The following GCN1 variants were observed in gnomAD, a reference collection of about 807,000 sequenced individuals.
GCN1 encodes the protein stalled ribosome sensor GCN1.
In GCN1, 90 loss-of-function variants were observed where a neutral mutation model predicts 288.4. The observed-to-expected ratio is 0.31, with a 90% CI of 0.26 to 0.37. The LOEUF is 0.37. GCN1 is among the 10% of genes least tolerant of loss of function. The probability of loss-of-function intolerance (pLI) is 1.00; values close to 1 mark genes in which losing one functional copy is unlikely to be tolerated. For synonymous variants in GCN1, 1,386 were observed against 1,420.2 expected, an observed-to-expected ratio of 0.98 and a Z score of 0.54; for missense variants, 2,586 against 3,419.9, an observed-to-expected ratio of 0.76 and a Z score of 6.08.
chr12:120,136,677 T>C lies in GCN1; in HGVS notation c.6833A>G (p.Glu2278Gly), dbSNP rs755166395. 6.2e-7 allele frequency: 1 copy of C among 1,614,038 alleles called. No individual in the cohort carries two copies. Among genetic ancestry groups the C allele is most frequent in the South Asian group, 1.1e-5 (1 of 91,080 alleles). Residue 2278 changes from glutamate to glycine, a missense_variant, in exon 51 of 58, where the codon GAG becomes GGG. Coordinates refer to ENST00000300648, the MANE Select transcript of GCN1 (RefSeq NM_006836.2). ...LREGVLTGSP[E>G]QKEEAAKALG... ...GGCTTTGGCTGCCTCCTCCTTCTGC[T>C]CAGGGCTGCCAGTCAGGACTCCTTC... is the stretch of plus-strand genomic sequence containing the variant.
In GCN1 at chr12:120,157,010, G is replaced by T; in HGVS notation, c.3088-18C>A. On this transcript the variant is annotated intron_variant, in intron 26 of 57. Coordinates refer to ENST00000300648, the MANE Select transcript of GCN1 (RefSeq NM_006836.2). The stretch of plus-strand genomic sequence containing the variant: ...GGGCCATTCTAGGAGAGAACGGCAG[G>T]TAAGTCGAGATGAGGCTGTGGGGAG... 3 of 1,591,126 alleles carry T rather than the reference G, an allele frequency of 1.9e-6. No individual in the cohort carries two copies. Among genetic ancestry groups the T allele is most frequent in the Non-Finnish European group, 1.7e-6 (2 of 1,159,406 alleles).
In GCN1 at chr12:120,155,727, G is replaced by C. The variant is rs1162505688; in HGVS notation, c.3313-8C>G. 2 of 1,613,722 alleles carry C rather than the reference G, an allele frequency of 1.2e-6. No homozygotes were observed. Among genetic ancestry groups the C allele is most frequent in the Admixed American group, 3.3e-5 (2 of 60,006 alleles). ...GTGGAGTTCCATCAGCCCCTGGAAG[G>C]GGTGGGATTGGACCGTGTGAGGCAT... On this transcript the variant is annotated splice_region_variant and splice_polypyrimidine_tract_variant and intron_variant, in intron 28 of 57. Coordinates refer to ENST00000300648, the MANE Select transcript of GCN1 (RefSeq NM_006836.2). This position sits in a 1 kb window ranked among gnomAD's most constrained non-coding sequence, Gnocchi z 4.9.
intron 3 of GCN1, 67 bp downstream of exon 3, chr12:120,184,757 A>G (rs1342014683): frequency 5.1e-6 from 6 of 1,177,112 alleles, no homozygotes; most frequent in Non-Finnish European, 6.4e-6. Context: ...TCTGGGCTCT[A>G]ACCACTACTC....
At position 120,153,511 on chromosome 12, in the gene GCN1, G is replaced by A. The variant is rs1877637228; in HGVS notation, c.3868-104C>T. On this transcript the variant is annotated intron_variant, in intron 32 of 57. Coordinates refer to ENST00000300648, the MANE Select transcript of GCN1 (RefSeq NM_006836.2). The surrounding 1 kb of genome is among the most constrained non-coding windows in gnomAD (Gnocchi z 4.4). ...CAAGACCAAGTCTAGCTCTGGGACA[G>A]GCATCCTGACATGCCAGCCAGTGGC... 3.7e-6 allele frequency: 4 copies of A among 1,087,980 alleles called. No individual in the cohort carries two copies. The highest frequency in any genetic ancestry group is 1.6e-5 in the African/African-American group (1 of 63,878). 67.4% of individuals were successfully genotyped at this position (1,087,980 alleles called of 1,614,324 possible).
At chr12:120,182,164 A>C (rs1324712921) in intron 5 of GCN1, among the ~76,000 whole-genome samples, 14 of 151,756 alleles carry the variant, frequency 9.2e-5, no homozygotes, top group Non-Finnish European at 1.8e-4. Flanking sequence ...GAAAACAAAA[A>C]AAAAAAAACA....
chr12:120,132,416 G>T (rs1876859523), intron 53 of GCN1, among the ~76,000 whole-genome samples: 1 of 152,108 alleles, frequency 6.6e-6, no homozygotes, highest in Non-Finnish European at 1.5e-5. Context: ...GGCAGGAGGG[G>T]AGGCACCTGC....
chr12:120,171,398 CGGA>C (rs1451634913), intron 14 of GCN1, among the ~76,000 whole-genome samples: 1 of 152,048 alleles, frequency 6.6e-6, no homozygotes, highest in East Asian at 1.9e-4. Flanking sequence ...ACCCAGGAGG[CGGA>C]GGTTTCAGTG....
intron 2 of GCN1, 70 bp downstream of exon 2, chr12:120,190,223 TCAAAA>T: frequency 1.6e-6 from 1 of 634,454 alleles, no homozygotes. Context: ...AGACTCTGTC[TCAAAA>T]AAAAAAAAAA....
At position 120,137,350 on chromosome 12, in the gene GCN1, G is replaced by A. The variant is rs117836601; in HGVS notation, c.6664-31C>T. The A allele has an allele frequency of 4.9e-3, 7,691 of 1,554,804 alleles. 34 individuals are homozygous for A. The highest frequency in any genetic ancestry group is 5.0e-3 in the Non-Finnish European group (5,688 of 1,126,550). ...GGAATCCAGGAAAAAGCGAGAGGAT[G>A]TACAGCCCTCTCAAGACTGCTTCCA... On this transcript the variant is annotated intron_variant, in intron 49 of 57. Coordinates refer to ENST00000300648, the MANE Select transcript of GCN1 (RefSeq NM_006836.2). The surrounding 1 kb of genome is among the most constrained non-coding windows in gnomAD (Gnocchi z 5.2).
intron 57 of GCN1, among the ~76,000 whole-genome samples, 162 bp from the exon 58 acceptor site, chr12:120,128,136 A>G (rs1304119070): frequency 1.3e-5 from 2 of 152,258 alleles, no homozygotes; most frequent in African/African-American, 4.8e-5. Flanking sequence ...AAGCCAATGA[A>G]AACACTCATC....
At chr12:120,152,240 G>A (rs542714650) in intron 33 of GCN1, among the ~76,000 whole-genome samples, 1 of 151,790 alleles carries the variant, frequency 6.6e-6, no homozygotes, top group South Asian at 2.1e-4. Flanking sequence ...TGTTGCCCAG[G>A]CTGGTCTCGA....
intron 14 of GCN1, among the ~76,000 whole-genome samples, chr12:120,172,418 TA>T (rs1878341134): frequency 6.6e-6 from 1 of 152,200 alleles, no homozygotes; most frequent in African/African-American, 2.4e-5. Context: ...CCCTTATCAT[TA>T]AAAGAAATAT....
intron 15 of GCN1, 133 bp downstream of exon 15, chr12:120,170,036 C>A: frequency 1.3e-6 from 1 of 750,600 alleles, no homozygotes. Flanking sequence ...GTTCATCCTG[C>A]AGATGACAAG....
At chr12:120,182,859 G>A (rs2139139599) in intron 5 of GCN1, among the ~76,000 whole-genome samples, 1 of 147,368 alleles carries the variant, frequency 6.8e-6, no homozygotes, top group Non-Finnish European at 1.5e-5. Flanking sequence ...AGAAACGCTT[G>A]AACCCAGGAG....
In GCN1 at chr12:120,138,179, A is replaced by G. The variant is rs1877074409; in HGVS notation, c.6250-135T>C. The G allele has an allele frequency of 1.7e-5, 16 of 953,868 alleles. No homozygotes were observed. In the South Asian group the frequency reaches 2.4e-4, roughly 14 times the overall value. The allele number at this position is 953,868 out of a possible 1,614,324, so 59.1% of individuals were successfully genotyped here. On this transcript the variant is annotated intron_variant, in intron 47 of 57. Coordinates refer to ENST00000300648, the MANE Select transcript of GCN1 (RefSeq NM_006836.2). ...CATCTACTCCAGCATATCTTGGAAG[A>G]CAACAGGGGAAGGATGTAATGCTTG... is the stretch of plus-strand genomic sequence containing the variant.
intron 37 of GCN1, among the ~76,000 whole-genome samples, chr12:120,147,919 T>C (rs543142712): frequency 1.1e-4 from 17 of 152,200 alleles, no homozygotes; most frequent in Non-Finnish European, 2.1e-4. Flanking sequence ...TCCTAACATT[T>C]TGAATGGTGC....
rs1241374519 is a variant in GCN1, at chr12:120,178,616, G to A, written c.660+9C>T. 6.2e-7 allele frequency: 1 copy of A among 1,614,090 alleles called. No homozygotes were observed. Among genetic ancestry groups the A allele is most frequent in the Non-Finnish European group, 8.5e-7 (1 of 1,179,914 alleles). On this transcript the variant is annotated intron_variant, in intron 7 of 57. Transcript: ENST00000300648. The stretch of plus-strand genomic sequence containing the variant: ...AGCAAACCCACAGTCACTCTGCCTT[G>A]GCACTTGCCTTGTGCTGACTGACCA...
rs761050908 is a variant in GCN1 at position 120,137,339 on chromosome 12, A to T, written c.6664-20T>A. ...CAGCTTCTGCAGGAATCCAGGAAAA[A>T]GCGAGAGGATGTACAGCCCTCTCAA... On this transcript the variant is annotated intron_variant, in intron 49 of 57. Coordinates refer to ENST00000300648, the MANE Select transcript of GCN1 (RefSeq NM_006836.2). The surrounding 1 kb of genome is among the most constrained non-coding windows in gnomAD (Gnocchi z 5.2). 8.2e-6 allele frequency: 13 copies of T among 1,593,506 alleles called. No individual in the cohort carries two copies. The Admixed American group carries it at 2.2e-4, about 27-fold the overall frequency.
intron 47 of GCN1, 82 bp from the exon 48 acceptor site, chr12:120,138,126 G>A (rs1877073107): frequency 7.5e-7 from 1 of 1,328,866 alleles, no homozygotes. Context: ...GTGGGCAAGA[G>A]AGCCCAAGCC....
Sources: gnomAD v4.1 joint callset for allele counts (sites outside exome capture counted in the v4.1 genomes callset) on GRCh38, gnomAD v4.1.1 for gene constraint, Gnocchi (gnomAD v3.1) non-coding constraint, MANE v1.5 for transcripts, NCBI Gene and HGNC (gene_info 2026-07-23, HGNC 2026-07-21) for gene names.